SDK1: variants seen among roughly 807,000 people sequenced by gnomAD.
The protein encoded by SDK1 is sidekick cell adhesion molecule 1.
SDK1 carries 157 observed loss-of-function variants against 245.5 expected under a neutral mutation model. That is an observed-to-expected ratio of 0.64 (90% confidence interval 0.56 to 0.73). The LOEUF is 0.73. Among genes scored for constraint, SDK1 ranks in the 30% least tolerant of loss-of-function variants. The pLI, the probability that SDK1 is intolerant of heterozygous loss-of-function variation, is 0.00. For synonymous variants in SDK1, 1,647 were observed against 1,278.5 expected (o/e 1.29, Z -6.15); for missense variants, 3,583 against 3,002.3 (o/e 1.19, Z -4.52).
chr7:4,095,863 C>T (rs770105250), intron 22 of SDK1, among the ~76,000 whole-genome samples: 1 of 152,170 alleles, frequency 6.6e-6, no homozygotes, highest in African/African-American at 2.4e-5. Flanking sequence ...TGTGAGCCAC[C>T]ACGCCCAGCC....
chr7:4,221,459 A>G, intron 40 of SDK1, 95 bp downstream of exon 40: 1 of 1,441,876 alleles, frequency 6.9e-7, no homozygotes, highest in Non-Finnish European at 9.3e-7. Flanking sequence ...CTCTTTCAGC[A>G]TTTTCCCCCC....
chr7:4,135,055 C>T (rs1158998860), intron 28 of SDK1, among the ~76,000 whole-genome samples: 1 of 152,180 alleles, frequency 6.6e-6, no homozygotes, highest in African/African-American at 2.4e-5. Flanking sequence ...GGTGAGGCTT[C>T]TCCTCAGCAC....
chr7:3,646,399 C>G (rs893991423), intron 4 of SDK1, among the ~76,000 whole-genome samples: 2 of 151,966 alleles, frequency 1.3e-5, no homozygotes, highest in African/African-American at 4.8e-5. Context: ...TATTAATAAT[C>G]TTAACAGGAG....
At chr7:4,101,594 G>C (rs1782550902) in intron 22 of SDK1, among the ~76,000 whole-genome samples, 1 of 152,192 alleles carries the variant, frequency 6.6e-6, no homozygotes, top group Non-Finnish European at 1.5e-5. Flanking sequence ...GCAGGGGAGG[G>C]GTGACAGAAG....
At position 4,114,149 on chromosome 7, in the gene SDK1, T is replaced by C. The variant is rs1221154165; in HGVS notation, c.3698T>C (p.Leu1233Pro). ...SAVAQVVSDRLEREFTIEELE... is the reference protein window; with the variant it reads ...SAVAQVVSDRPEREFTIEELE... The stretch of plus-strand genomic sequence containing the variant: ...GTGGCCCAAGTCGTCAGTGACCGGC[T>C]GGAGAGAGAATTCACCATCGAGGAG... The change falls in exon 25 of 45, where the codon CTG (leucine) becomes CCG (proline). Residue 1233 changes from leucine (L) to proline (P), a missense_variant. Physicochemically the swap from Leu to Pro is moderately conservative, Grantham distance 98. Transcript: ENST00000404826. 6.2e-7 allele frequency: 1 copy of C among 1,614,070 alleles called. No individual in the cohort carries two copies. Among genetic ancestry groups the C allele is most frequent in the East Asian group, 2.2e-5 (1 of 44,892 alleles).
chr7:3,866,814 C>T lies in SDK1; in HGVS notation c.847+45231C>T, dbSNP rs6462401. 6.9e-3 allele frequency among the ~76,000 whole-genome samples: 1,043 copies of T among 152,170 alleles called. 12 individuals are homozygous for T. The highest frequency in any genetic ancestry group is 0.023 in the African/African-American group (968 of 41,518). ...TGTGGAGGAACCACTTGAGAGGAGG[C>T]GTAAGGACAGACTGTGAAGGACTTT... On this transcript the variant is annotated intron_variant, in intron 5 of 44. Transcript: ENST00000404826.
Position 4,265,585 on chromosome 7 carries a change from A to C in SDK1, c.*201A>C. The C allele has an allele frequency of 1.5e-6, 2 of 1,345,694 alleles. No individual in the cohort carries two copies. The highest frequency in any genetic ancestry group is 9.4e-7 in the Non-Finnish European group (1 of 1,058,230). The allele number at this position is 1,345,694 out of a possible 1,614,324, so 83.4% of individuals were successfully genotyped here. A position where few individuals can be genotyped will look rare whatever the true frequency, so the allele number is the denominator to read the frequency against. On this transcript the variant is annotated 3_prime_UTR_variant, in exon 45 of 45. Transcript: ENST00000404826. ...AAACGGCTTTTTGTAACTTCGCTGC[A>C]GGAAGCAGGTTTGTTTCTTTTTCTT...
At chr7:3,466,792 A>G (rs183107137) in intron 1 of SDK1, among the ~76,000 whole-genome samples, 60 of 152,004 alleles carry the variant, frequency 3.9e-4, no homozygotes, top group South Asian at 1.7e-3. Context: ...AAGCAGAGTT[A>G]AATTGAACAC....
chr7:4,213,586 A>AG (rs1784621084), intron 38 of SDK1, among the ~76,000 whole-genome samples: 2 of 151,848 alleles, frequency 1.3e-5, no homozygotes, highest in African/African-American at 4.8e-5. Context: ...TCTGTCTCAA[A>AG]AAAAAAAAAA....
At chr7:3,555,545 T>C (rs546358917) in intron 1 of SDK1, among the ~76,000 whole-genome samples, 12 of 152,140 alleles carry the variant, frequency 7.9e-5, no homozygotes, top group East Asian at 7.7e-4. Context: ...TCTACAAATA[T>C]GGGCAAACAA....
At chr7:3,580,968 CAAAAAAAAA>C (rs60617574) in intron 1 of SDK1, among the ~76,000 whole-genome samples, 3 of 24,886 alleles carry the variant, frequency 1.2e-4, no homozygotes, top group Non-Finnish European at 1.7e-4. Flanking sequence ...GACTCCATCT[CAAAAAAAAA>C]AAAAAAAAAA....
intron 10 of SDK1, among the ~76,000 whole-genome samples, chr7:3,968,511 C>T (rs189498371): frequency 3.9e-5 from 6 of 152,360 alleles, no homozygotes; most frequent in African/African-American, 1.4e-4. Context: ...AGATCTGGGA[C>T]ACTACAGATC....
intron 4 of SDK1, among the ~76,000 whole-genome samples, chr7:3,791,705 A>G (rs539526140): frequency 1.3e-5 from 2 of 152,284 alleles, no homozygotes; most frequent in South Asian, 4.2e-4. Context: ...TGAAAGGAGA[A>G]TCAGTTTGTG....
chr7:3,666,112 C>T (rs1783524409), intron 4 of SDK1, among the ~76,000 whole-genome samples: 1 of 152,196 alleles, frequency 6.6e-6, no homozygotes, highest in African/African-American at 2.4e-5. Flanking sequence ...TATTCACCTC[C>T]TAATCCAGTT....
Position 3,619,108 on chromosome 7 carries a change from G to A in SDK1, c.327G>A (p.Glu109=). The change falls in exon 2 of 45, where the codon GAG becomes GAA. Residue 109 remains glutamate, a synonymous_variant. Transcript: ENST00000404826. The part of the protein sequence containing the change: ...QDDVAPYFKT[E]PGLPQIHLEG... The stretch of plus-strand genomic sequence containing the variant: ...ATGTTGCTCCATATTTTAAAACGGA[G>A]CCAGGCCTACCACAGATCCACCTGG... The A allele has an allele frequency of 6.2e-7, 1 of 1,610,064 alleles. No homozygotes were observed. Among genetic ancestry groups the A allele is most frequent in the Non-Finnish European group, 8.5e-7 (1 of 1,177,120 alleles).
At chr7:3,493,870 A>G (rs1019091670) in intron 1 of SDK1, among the ~76,000 whole-genome samples, 8 of 152,210 alleles carry the variant, frequency 5.3e-5, no homozygotes, top group Admixed American at 5.2e-4. Context: ...TTCCACTACA[A>G]ATCCTTCATC....
intron 1 of SDK1, among the ~76,000 whole-genome samples, chr7:3,359,089 C>T (rs1780884932): frequency 6.6e-6 from 1 of 152,080 alleles, no homozygotes; most frequent in African/African-American, 2.4e-5. Context: ...GGAGACACAG[C>T]GTTAGTTTAA....
intron 22 of SDK1, among the ~76,000 whole-genome samples, chr7:4,107,811 C>T (rs913297769): frequency 6.6e-6 from 1 of 152,216 alleles, no homozygotes; most frequent in Non-Finnish European, 1.5e-5. Context: ...GTCTTGCTTG[C>T]CCTTCCCTCT....
At position 3,713,338 on chromosome 7, in the gene SDK1, A is replaced by T. The variant is rs540317318; in HGVS notation, c.713+71233A>T. Reference sequence around the variant, plus strand: ...GTTGTTTGTCTTTCCATGCTTACAGAAATCCTATTCCTCAAGAAAAGAAAG... The same window carrying T: ...GTTGTTTGTCTTTCCATGCTTACAGTAATCCTATTCCTCAAGAAAAGAAAG... On this transcript the variant is annotated intron_variant, in intron 4 of 44. Transcript: ENST00000404826. Among the ~76,000 whole-genome samples the T allele has an allele frequency of 3.1e-4, 47 of 152,322 alleles. 1 individual carries two copies. The highest frequency in any genetic ancestry group is 1.1e-3 in the African/African-American group (44 of 41,572).
Sources: allele counts gnomAD v4.1 joint callset (sites outside exome capture counted in the v4.1 genomes callset), GRCh38; gene constraint gnomAD v4.1.1; transcripts MANE v1.5; gene names NCBI Gene and HGNC (gene_info 2026-07-23, HGNC 2026-07-21).